Variants in AFG3L2 observed in about 807,000 individuals in gnomAD.
The protein encoded by AFG3L2 is mitochondrial inner membrane m-AAA protease component AFG3L2.
A neutral mutation model predicts 94.5 loss-of-function variants in AFG3L2; 54 were observed. The ratio of observed to expected loss-of-function variants is 0.57; its 90% CI spans 0.46 to 0.72. The LOEUF (loss-of-function observed/expected upper bound fraction) is 0.72, where lower values mean the gene tolerates loss of function less well. Among genes scored for constraint, AFG3L2 ranks in the 30% least tolerant of loss-of-function variants. The probability of loss-of-function intolerance (pLI) is 0.00; values close to 1 mark genes in which losing one functional copy is unlikely to be tolerated. For missense variants in AFG3L2, 754 were observed against 994.9 expected (o/e 0.76, Z 3.26); for synonymous variants, 377 against 365.5 (o/e 1.03, Z -0.36).
intron 15 of AFG3L2, among the ~76,000 whole-genome samples, chr18:12,338,200 G>A (rs1907816040): frequency 6.6e-6 from 1 of 152,096 alleles, no homozygotes; most frequent in African/African-American, 2.4e-5. Context: ...GCTTCCCAAA[G>A]TGCTGGGATT....
chr18:12,363,353 AC>A (rs1389380121), intron 6 of AFG3L2, among the ~76,000 whole-genome samples: 1 of 152,214 alleles, frequency 6.6e-6, no homozygotes, highest in Non-Finnish European at 1.5e-5. Context: ...GGAAATTAAA[AC>A]AATATAATAT....
At position 12,377,043 on chromosome 18, in the gene AFG3L2, A is replaced by G; in HGVS notation, c.40T>C (p.Cys14Arg). Residue 14 changes from cysteine (C) to arginine (R), a missense_variant, in exon 1 of 17, where the codon TGC (cysteine) becomes CGC (arginine). Cys to Arg is a radical substitution (Grantham distance 180, BLOSUM62 -3). This residue lies in a region of AFG3L2 where 236 missense variants were observed against 214.0 expected (regional missense o/e 1.10). Coordinates refer to ENST00000269143, the MANE Select transcript of AFG3L2 (RefSeq NM_006796.3). ...RCLRLWGRGGCWPRGLQQLLV... is the reference protein window; with the variant it reads ...RCLRLWGRGGRWPRGLQQLLV... ...AGCTGCTGTAGGCCGCGGGGCCAGC[A>G]GCCGCCCCGGCCCCACAGCCGCAAA... is the stretch of plus-strand genomic sequence containing the variant. The G allele has an allele frequency of 1.4e-6, 2 of 1,437,804 alleles. No individual in the cohort carries two copies. The highest frequency in any genetic ancestry group is 9.1e-7 in the Non-Finnish European group (1 of 1,097,346). 89.1% of individuals were successfully genotyped at this position (1,437,804 alleles called of 1,614,324 possible). A position where few individuals can be genotyped will look rare whatever the true frequency, so the allele number is the denominator to read the frequency against.
At chr18:12,369,234 C>T (rs1001695961) in intron 3 of AFG3L2, among the ~76,000 whole-genome samples, 30 of 152,224 alleles carry the variant, frequency 2.0e-4, no homozygotes, top group African/African-American at 7.2e-4. Context: ...CATGGGTTAT[C>T]ATTACTCGGC....
At chr18:12,352,568 T>G (rs2079788864) in intron 10 of AFG3L2, among the ~76,000 whole-genome samples, 1 of 152,224 alleles carries the variant, frequency 6.6e-6, no homozygotes, top group South Asian at 2.1e-4. Context: ...GCTTCAGAGA[T>G]GGTGATGATT....
intron 1 of AFG3L2, among the ~76,000 whole-genome samples, chr18:12,376,418 T>G (rs1032226649): frequency 2.6e-5 from 4 of 152,230 alleles, no homozygotes; most frequent in Non-Finnish European, 5.9e-5. Context: ...AAGAGCCTCC[T>G]GCTGAGAGCA....
Position 12,360,892 on chromosome 18 carries a change from A to C in AFG3L2, c.628-841T>G, listed in dbSNP as rs559844943. 5.3e-5 allele frequency among the ~76,000 whole-genome samples: 8 copies of C among 152,254 alleles called. No homozygotes were observed. In the South Asian group the frequency reaches 1.7e-3, roughly 32 times the overall value. Reference sequence around the variant, plus strand: ...AACCACAATGTCACACTGCCTTTACACAACCATGAGGACACTGATTTTAAC... The same window carrying C: ...AACCACAATGTCACACTGCCTTTACCCAACCATGAGGACACTGATTTTAAC... On this transcript the variant is annotated intron_variant, in intron 6 of 16. Transcript: ENST00000269143.
At chr18:12,333,011 A>AT (rs1907604249) in intron 16 of AFG3L2, among the ~76,000 whole-genome samples, 1 of 108,126 alleles carries the variant, frequency 9.2e-6, no homozygotes, top group Admixed American at 1.2e-4. Context: ...ATATAATATA[A>AT]AATATATTAA....
chr18:12,376,534 A>G (rs927765702), intron 1 of AFG3L2, among the ~76,000 whole-genome samples: 3 of 152,240 alleles, frequency 2.0e-5, no homozygotes, highest in African/African-American at 4.8e-5. Flanking sequence ...GGCCCCATTC[A>G]ACAGACGGGA....
At position 12,329,517 on chromosome 18, in the gene AFG3L2, C is replaced by T; in HGVS notation, c.*48G>A. On this transcript the variant is annotated 3_prime_UTR_variant, in exon 17 of 17. Transcript: ENST00000269143. ...TGAAAGCCACAGCTGAAATAATGCACCAGCTGAAACCACAGTGGACAGACT... is the reference window on the plus strand; with the variant it reads ...TGAAAGCCACAGCTGAAATAATGCATCAGCTGAAACCACAGTGGACAGACT... 1.9e-6 allele frequency: 3 copies of T among 1,566,194 alleles called. No homozygotes were observed. The highest frequency in any genetic ancestry group is 2.6e-6 in the Non-Finnish European group (3 of 1,137,660).
intron 5 of AFG3L2, among the ~76,000 whole-genome samples, chr18:12,366,136 A>C (rs1342562458): frequency 6.6e-6 from 1 of 152,106 alleles, no homozygotes; most frequent in Admixed American, 6.6e-5. Context: ...TCGGCCTCCC[A>C]AAGTGCTGGG....
intron 5 of AFG3L2, 118 bp downstream of exon 5, chr18:12,366,846 GA>G: frequency 7.1e-7 from 1 of 1,413,344 alleles, no homozygotes; most frequent in Non-Finnish European, 1.0e-6. Flanking sequence ...AAATCTGAGT[GA>G]AAATAACAAT....
chr18:12,358,528 G>T, intron 8 of AFG3L2, 142 bp downstream of exon 8: 3 of 1,088,342 alleles, frequency 2.8e-6, no homozygotes, highest in Non-Finnish European at 4.0e-6. Context: ...CGATCCTCGA[G>T]TTGGGCAGAG....
intron 3 of AFG3L2, among the ~76,000 whole-genome samples, chr18:12,368,001 C>A (rs1908861531): frequency 6.6e-6 from 1 of 151,970 alleles, no homozygotes; most frequent in Non-Finnish European, 1.5e-5. Context: ...AACCCTGTCT[C>A]TACTAAAAAT....
At chr18:12,366,854 C>A (rs920252466) in intron 5 of AFG3L2, 111 bp downstream of exon 5, 2 of 1,449,814 alleles carry the variant, frequency 1.4e-6, no homozygotes, top group African/African-American at 1.4e-5. Context: ...GTGAAAATAA[C>A]AATTTTACAA....
intron 1 of AFG3L2, among the ~76,000 whole-genome samples, chr18:12,375,411 G>GAA (rs5823210): frequency 0.014 from 1,687 of 118,568 alleles, 32 homozygotes; most frequent in African/African-American, 0.038. Flanking sequence ...GCCCAGGTAA[G>GAA]AAAAAAAAAA....
rs1411512974 is a variant in AFG3L2, at chr18:12,333,147, TATA to T, written c.2176-3367_2176-3365del. 3.3e-5 allele frequency among the ~76,000 whole-genome samples: 2 copies of T among 60,886 alleles called. 1 individual carries two copies. Among genetic ancestry groups the T allele is most frequent in the Non-Finnish European group, 6.4e-5 (2 of 31,240 alleles). The allele number at this position is 60,886 out of a possible 152,430, so 39.9% of individuals were successfully genotyped here. A position where few individuals can be genotyped will look rare whatever the true frequency, so the allele number is the denominator to read the frequency against. Reference sequence around the variant, plus strand: ...GATTATATATATAATATATATAATATATAATAATCTAATATATATAATAATAGA... The same window carrying T: ...GATTATATATATAATATATATAATATATAATCTAATATATATAATAATAGA... On this transcript the variant is annotated intron_variant, in intron 16 of 16. Coordinates refer to ENST00000269143, the MANE Select transcript of AFG3L2 (RefSeq NM_006796.3).
At chr18:12,359,864 C>G (rs1908605403) in intron 7 of AFG3L2, 63 bp downstream of exon 7, 1 of 1,602,462 alleles carries the variant, frequency 6.2e-7, no homozygotes, top group Non-Finnish European at 8.5e-7. Flanking sequence ...CACCCAGGGA[C>G]AGAACACAGT....
intron 14 of AFG3L2, 162 bp downstream of exon 14, chr18:12,343,970 A>G (rs3888824): frequency 1.5e-6 from 1 of 667,666 alleles, no homozygotes; most frequent in South Asian, 1.7e-5. Flanking sequence ...ATATTTATCT[A>G]TGGGACGGTT....
Position 12,351,318 on chromosome 18 carries a change from G to A in AFG3L2, c.1414C>T (p.Gln472Ter). The change falls in exon 11 of 17, where the codon CAG becomes TAG. Residue 472 changes from glutamine to a stop codon, truncating the protein, a stop_gained. Transcript: ENST00000269143. LOFTEE classifies it high-confidence loss of function. ...AACATCATCTCACCAATAAAGATCT[G>A]CCTGTCGAAACGCCCCGGCCTAAGC... ...ALLRPGRFDR[Q>*]IFIGPPDIKG... The A allele has an allele frequency of 6.2e-7, 1 of 1,614,168 alleles. No individual in the cohort carries two copies. The highest frequency in any genetic ancestry group is 8.5e-7 in the Non-Finnish European group (1 of 1,180,034).
Sources: gnomAD v4.1 joint callset for allele counts (sites outside exome capture counted in the v4.1 genomes callset) on GRCh38, gnomAD v4.1.1 for gene constraint, gnomAD v4.1.1 regional missense constraint, MANE v1.5 for transcripts, NCBI Gene and HGNC (gene_info 2026-07-23, HGNC 2026-07-21) for gene names.